The following LRP2 variants were observed in gnomAD, a reference collection of about 807,000 sequenced individuals.
LRP2 encodes the protein low-density lipoprotein receptor-related protein 2.
In LRP2, 172 loss-of-function variants were observed where a neutral mutation model predicts 531.0. The ratio of observed to expected loss-of-function variants is 0.32; its 90% CI spans 0.29 to 0.37. LRP2 has a LOEUF of 0.37. Ranked by LOEUF, LRP2 falls within the 10% of genes least tolerant of loss-of-function variation. The pLI, the probability that LRP2 is intolerant of heterozygous loss-of-function variation, is 1.00. For missense variants in LRP2, 5,167 were observed against 5,868.3 expected (o/e 0.88, Z 3.90); for synonymous variants, 1,992 against 2,027.6 (o/e 0.98, Z 0.47).
chr2:169,226,039 C>T (rs1161775390), intron 32 of LRP2, among the ~76,000 whole-genome samples: 9 of 152,122 alleles, frequency 5.9e-5, no homozygotes, highest in Non-Finnish European at 7.4e-5. Context: ...TTTTTATATT[C>T]GTCGAATATT....
chr2:169,320,787 T>G lies in LRP2; in HGVS notation c.177A>C (p.Glu59Asp). Reference protein sequence around the residue: ...GTKDCSDDADEIGCAVVTCQQ... With the variant: ...GTKDCSDDADDIGCAVVTCQQ... Reference sequence around the variant, plus strand: ...CCCCTCCTCACTTACCGCAGCCAATTTCATCCGCGTCATCTGAACAGTCTT... The same window carrying G: ...CCCCTCCTCACTTACCGCAGCCAATGTCATCCGCGTCATCTGAACAGTCTT... The change falls in exon 2 of 79, where the codon GAA (glutamate) becomes GAC (aspartate). Residue 59 changes from glutamate (E) to aspartate (D), a missense_variant. Physicochemically the swap from Glu to Asp is conservative, Grantham distance 45 (BLOSUM62 2). Coordinates refer to ENST00000649046, the MANE Select transcript of LRP2 (RefSeq NM_004525.3). 1 of 1,614,012 alleles carries G rather than the reference T, an allele frequency of 6.2e-7. No individual in the cohort carries two copies. The highest frequency in any genetic ancestry group is 8.5e-7 in the Non-Finnish European group (1 of 1,179,900).
chr2:169,321,035 T>A (rs1684895918), intron 1 of LRP2, 151 bp from the exon 2 acceptor site: 4 of 661,420 alleles, frequency 6.0e-6, no homozygotes, highest in Non-Finnish European at 1.1e-5. Flanking sequence ...CTCCCAATGA[T>A]AATATAAAAA....
chr2:169,278,614 C>A (rs1449695364), intron 12 of LRP2, among the ~76,000 whole-genome samples: 1 of 152,184 alleles, frequency 6.6e-6, no homozygotes, highest in Non-Finnish European at 1.5e-5. Flanking sequence ...CCATTTTGCT[C>A]CTCAGTTTTC....
At chr2:169,160,541 G>C (rs552291502) in intron 63 of LRP2, among the ~76,000 whole-genome samples, 4 of 152,066 alleles carry the variant, frequency 2.6e-5, no homozygotes, top group Middle Eastern at 3.4e-3. Flanking sequence ...CAGCACCCAA[G>C]AACTAGTATA....
intron 55 of LRP2, 92 bp downstream of exon 55, chr2:169,175,101 A>G (rs1687141780): frequency 7.9e-7 from 1 of 1,258,532 alleles, no homozygotes; most frequent in Non-Finnish European, 1.2e-6. Context: ...ACTGGTTTTT[A>G]GTTCATGATA....
intron 31 of LRP2, among the ~76,000 whole-genome samples, chr2:169,228,625 C>A (rs926091578): frequency 6.6e-5 from 10 of 152,162 alleles, no homozygotes; most frequent in Non-Finnish European, 1.2e-4. Context: ...GGTGCTCTTC[C>A]CTTAAGCACC....
rs1023230634 is a variant in LRP2 at position 169,212,078 on chromosome 2, G to T, written c.6170C>A (p.Ser2057Tyr). The T allele has an allele frequency of 6.2e-7, 1 of 1,614,026 alleles. No homozygotes were observed. The highest frequency in any genetic ancestry group is 1.1e-5 in the South Asian group (1 of 91,080). The change falls in exon 37 of 79, where the codon TCC becomes TAC. Residue 2057 changes from serine to tyrosine, a missense_variant. By Grantham distance (144) the Ser-to-Tyr change is moderately radical (BLOSUM62 -2). This residue lies in a region of LRP2 where 2,811 missense variants were observed against 3,058.0 expected (regional missense o/e 0.92). Transcript: ENST00000649046. Reference protein sequence around the residue: ...TGFKLNPDNRSCSPYNSFIVV... With the variant: ...TGFKLNPDNRYCSPYNSFIVV... ...AATGAAAGAGTTATATGGAGAGCAG[G>T]ACCGATTATCAGGATTGAGTTTAAA... is the stretch of plus-strand genomic sequence containing the variant.
chr2:169,281,896 G>T (rs911095000), intron 10 of LRP2, among the ~76,000 whole-genome samples: 1 of 151,892 alleles, frequency 6.6e-6, no homozygotes, highest in Admixed American at 6.6e-5. Flanking sequence ...ATATTTGTAT[G>T]TTCTTGTTTA....
At chr2:169,156,986 C>T (rs1031243810) in intron 64 of LRP2, among the ~76,000 whole-genome samples, 6 of 152,138 alleles carry the variant, frequency 3.9e-5, no homozygotes, top group Non-Finnish European at 5.9e-5. Context: ...CTATGTCTGG[C>T]GTAAGTAGGT....
In LRP2 at chr2:169,312,166, T is replaced by A. The variant is rs555226642; in HGVS notation, c.311-4769A>T. Reference sequence around the variant, plus strand: ...CTTGACTCTTTATCCAATTTGCCAGTCTGTGTCTTTTAATTGGAGCATTTA... The same window carrying A: ...CTTGACTCTTTATCCAATTTGCCAGACTGTGTCTTTTAATTGGAGCATTTA... On this transcript the variant is annotated intron_variant, in intron 3 of 78. Coordinates refer to ENST00000649046, the MANE Select transcript of LRP2 (RefSeq NM_004525.3). Among the ~76,000 whole-genome samples the A allele has an allele frequency of 5.4e-4, 82 of 152,166 alleles. No homozygotes were observed. In the East Asian group the frequency reaches 0.01, roughly 19 times the overall value.
chr2:169,254,391 G>T (rs1290096430), intron 19 of LRP2, among the ~76,000 whole-genome samples: 2 of 76,838 alleles, frequency 2.6e-5, no homozygotes, highest in Non-Finnish European at 4.6e-5. Flanking sequence ...ACTATCGCAA[G>T]AACAAAAAAC....
At chr2:169,281,599 G>T (rs992425872) in intron 10 of LRP2, among the ~76,000 whole-genome samples, 4 of 149,826 alleles carry the variant, frequency 2.7e-5, no homozygotes, top group African/African-American at 9.9e-5. Context: ...GAAGCCTGTA[G>T]TCCCAGCTAC....
chr2:169,283,716 C>A (rs1683767520), intron 9 of LRP2, among the ~76,000 whole-genome samples: 1 of 152,276 alleles, frequency 6.6e-6, no homozygotes, highest in South Asian at 2.1e-4. Context: ...AATGTCTTCT[C>A]CTCTACTTAT....
intron 7 of LRP2, among the ~76,000 whole-genome samples, chr2:169,291,376 G>A (rs1683994652): frequency 6.6e-6 from 1 of 152,060 alleles, no homozygotes; most frequent in South Asian, 2.1e-4. Context: ...TTTGTGGTTG[G>A]GCTTTTTGAT....
At chr2:169,316,377 C>T (rs1053948769) in intron 3 of LRP2, among the ~76,000 whole-genome samples, 2 of 152,144 alleles carry the variant, frequency 1.3e-5, no homozygotes, top group Non-Finnish European at 2.9e-5. Flanking sequence ...TTACAGCAAT[C>T]TTTCTTCTTC....
rs545797182 is a variant in LRP2, at chr2:169,221,685, C to T, written c.5539-1122G>A. On this transcript the variant is annotated intron_variant, in intron 33 of 78. Coordinates refer to ENST00000649046, the MANE Select transcript of LRP2 (RefSeq NM_004525.3). ...GTGCACGTGTGTGCACGCATTCACA[C>T]GCACACATACACACACACACACATA... Among the ~76,000 whole-genome samples, 77 of 151,584 alleles carry T rather than the reference C, an allele frequency of 5.1e-4. No individual in the cohort carries two copies. In the Middle Eastern group the frequency reaches 0.017, roughly 33 times the overall value.
chr2:169,347,149 T>C lies in LRP2; in HGVS notation c.79+15172A>G, dbSNP rs144417965. Among the ~76,000 whole-genome samples the C allele has an allele frequency of 3.3e-5, 5 of 152,334 alleles. No individual in the cohort carries two copies. In the East Asian group the frequency reaches 9.6e-4, roughly 29 times the overall value. ...TCTGAACCTTGCTCTGACAAACATT[T>C]ACTGTGCATTACTATCTCAACTAAC... On this transcript the variant is annotated intron_variant, in intron 1 of 78. Coordinates refer to ENST00000649046, the MANE Select transcript of LRP2 (RefSeq NM_004525.3).
rs777407708 is a variant in LRP2, at chr2:169,150,987, C to G, written c.12501G>C (p.Glu4167Asp). ...TGTACCTTCCATCAAGTTTAGCCACCTCAATGCGTTTATTCTTGACATCTG... is the reference window on the plus strand; with the variant it reads ...TGTACCTTCCATCAAGTTTAGCCACGTCAATGCGTTTATTCTTGACATCTG... The part of the protein sequence containing the change: ...YWSDVKNKRI[E>D]VAKLDGRYRK... The change falls in exon 68 of 79, where the codon GAG becomes GAC. Residue 4167 changes from glutamate to aspartate, a missense_variant. Glu to Asp is a conservative substitution (Grantham distance 45, BLOSUM62 2). Around this residue, in one of 6 missense-constraint regions of LRP2, gnomAD observed 564 missense variants for 747.7 expected, o/e 0.75. Coordinates refer to ENST00000649046, the MANE Select transcript of LRP2 (RefSeq NM_004525.3). The G allele has an allele frequency of 1.9e-6, 3 of 1,613,900 alleles. No homozygotes were observed. The highest frequency in any genetic ancestry group is 8.5e-7 in the Non-Finnish European group (1 of 1,179,938).
chr2:169,145,725 T>C (rs1450172163), intron 70 of LRP2, 22 bp downstream of exon 70: 3 of 1,612,276 alleles, frequency 1.9e-6, no homozygotes, highest in Non-Finnish European at 2.5e-6. Flanking sequence ...GAGGAGCATC[T>C]TATACCAAAG....
Sources: gnomAD v4.1 joint callset for allele counts (sites outside exome capture counted in the v4.1 genomes callset) on GRCh38, gnomAD v4.1.1 for gene constraint, gnomAD v4.1.1 regional missense constraint, MANE v1.5 for transcripts, NCBI Gene and HGNC (gene_info 2026-07-23, HGNC 2026-07-21) for gene names.